SEMA3E: variants seen among roughly 807,000 people sequenced by gnomAD.
SEMA3E encodes semaphorin-3E.
A neutral mutation model predicts 93.6 loss-of-function variants in SEMA3E; 49 were observed. The ratio of observed to expected loss-of-function variants is 0.52; its 90% CI spans 0.42 to 0.66. The LOEUF (loss-of-function observed/expected upper bound fraction) is 0.66. Among genes scored for constraint, SEMA3E ranks in the 30% least tolerant of loss-of-function variants. SEMA3E has a pLI of 0.00. For synonymous variants in SEMA3E, 363 were observed against 330.7 expected (o/e 1.10, Z -1.06); for missense variants, 906 against 964.8 (o/e 0.94, Z 0.81).
chr7:83,376,130 G>C (rs1794819053), intron 16 of SEMA3E, among the ~76,000 whole-genome samples: 1 of 152,006 alleles, frequency 6.6e-6, no homozygotes, highest in African/African-American at 2.4e-5. Flanking sequence ...TGAGGCAAGA[G>C]TTCATGCACT....
chr7:83,501,314 A>AAC (rs1790592535), intron 1 of SEMA3E, among the ~76,000 whole-genome samples: 2 of 152,212 alleles, frequency 1.3e-5, no homozygotes, highest in Admixed American at 1.3e-4. Context: ...GTAATGTTAT[A>AAC]ATTACATATT....
chr7:83,595,857 A>G (rs1792862359), intron 1 of SEMA3E, among the ~76,000 whole-genome samples: 1 of 152,024 alleles, frequency 6.6e-6, no homozygotes, highest in African/African-American at 2.4e-5. Context: ...TCCACTGAAA[A>G]GGTTTTTTTC....
intron 1 of SEMA3E, among the ~76,000 whole-genome samples, chr7:83,574,609 C>T (rs1214628829): frequency 2.0e-5 from 3 of 152,082 alleles, no homozygotes; most frequent in Non-Finnish European, 4.4e-5. Flanking sequence ...GAGACAAAAG[C>T]AAACACTAGA....
chr7:83,560,351 CT>C (rs1665648497), intron 1 of SEMA3E, among the ~76,000 whole-genome samples: 1 of 151,982 alleles, frequency 6.6e-6, no homozygotes, highest in Non-Finnish European at 1.5e-5. Context: ...CCATATCTTC[CT>C]CTTAATTTTG....
At chr7:83,420,548 G>C (rs963668456) in intron 4 of SEMA3E, among the ~76,000 whole-genome samples, 1 of 152,090 alleles carries the variant, frequency 6.6e-6, no homozygotes, top group Non-Finnish European at 1.5e-5. Context: ...AAAACTGGAG[G>C]CATCACATTA....
At chr7:83,630,532 A>G (rs901224893) in intron 1 of SEMA3E, among the ~76,000 whole-genome samples, 6 of 152,168 alleles carry the variant, frequency 3.9e-5, no homozygotes, top group Non-Finnish European at 8.8e-5. Flanking sequence ...ATTTATGTAG[A>G]TTTATGGTAG....
chr7:83,571,418 T>C (rs1489627179), intron 1 of SEMA3E, among the ~76,000 whole-genome samples: 1 of 152,172 alleles, frequency 6.6e-6, no homozygotes, highest in African/African-American at 2.4e-5. Flanking sequence ...TTTGGTTAAA[T>C]GTACACAAAT....
intron 10 of SEMA3E, among the ~76,000 whole-genome samples, chr7:83,400,958 T>A (rs1788224108): frequency 6.6e-6 from 1 of 152,118 alleles, no homozygotes; most frequent in Admixed American, 6.6e-5. Context: ...TGATCAGTGA[T>A]GGTTCTGATT....
intron 1 of SEMA3E, among the ~76,000 whole-genome samples, chr7:83,501,221 C>A (rs1159478259): frequency 6.6e-6 from 1 of 152,156 alleles, no homozygotes; most frequent in East Asian, 1.9e-4. Context: ...TTCATTCGTT[C>A]AATCTGCACC....
intron 1 of SEMA3E, among the ~76,000 whole-genome samples, chr7:83,495,018 T>A (rs1790460049): frequency 6.6e-6 from 1 of 151,912 alleles, no homozygotes; most frequent in African/African-American, 2.4e-5. Context: ...ATGAAGCATG[T>A]TTCAATTCCA....
intron 14 of SEMA3E, among the ~76,000 whole-genome samples, chr7:83,391,767 A>G (rs963927197): frequency 6.6e-6 from 1 of 152,146 alleles, no homozygotes; most frequent in African/African-American, 2.4e-5. Flanking sequence ...CAGAAAAGTA[A>G]CCCAAAGTTA....
At chr7:83,386,588 T>C (rs1787886899) in intron 15 of SEMA3E, among the ~76,000 whole-genome samples, 1 of 152,142 alleles carries the variant, frequency 6.6e-6, no homozygotes, top group South Asian at 2.1e-4. Flanking sequence ...GCTTAGGAGA[T>C]GACTTGATAG....
At chr7:83,594,346 C>T (rs1033752293) in intron 1 of SEMA3E, among the ~76,000 whole-genome samples, 1 of 152,040 alleles carries the variant, frequency 6.6e-6, no homozygotes, top group African/African-American at 2.4e-5. Flanking sequence ...CCAGGATTTT[C>T]CAGGTGCAGG....
intron 2 of SEMA3E, among the ~76,000 whole-genome samples, chr7:83,483,885 T>C (rs1238340021): frequency 2.0e-5 from 3 of 152,118 alleles, no homozygotes; most frequent in African/African-American, 4.8e-5. Context: ...GACTAATCCA[T>C]CATGACGTAC....
At chr7:83,394,806 A>T (rs987075718) in intron 12 of SEMA3E, among the ~76,000 whole-genome samples, 52 of 152,198 alleles carry the variant, frequency 3.4e-4, no homozygotes, top group African/African-American at 1.3e-3. Context: ...GATCATGGTG[A>T]ATCATAATTA....
intron 1 of SEMA3E, among the ~76,000 whole-genome samples, chr7:83,556,606 C>T (rs1303946284): frequency 6.6e-6 from 1 of 152,134 alleles, no homozygotes; most frequent in Non-Finnish European, 1.5e-5. Context: ...GTACAAGTAG[C>T]AGGCATGCCA....
At chr7:83,622,362 A>T (rs1793579888) in intron 1 of SEMA3E, among the ~76,000 whole-genome samples, 1 of 152,190 alleles carries the variant, frequency 6.6e-6, no homozygotes, top group African/African-American at 2.4e-5. Flanking sequence ...AGAAAAACAA[A>T]TGCTTATACA....
At chr7:83,388,981 G>A (rs1231799910) in intron 14 of SEMA3E, among the ~76,000 whole-genome samples, 1 of 151,614 alleles carries the variant, frequency 6.6e-6, no homozygotes, top group Non-Finnish European at 1.5e-5. Context: ...TTGGGATTAT[G>A]ACCTGTGTAC....
chr7:83,473,865 G>A (rs1330303082), intron 2 of SEMA3E, among the ~76,000 whole-genome samples: 3 of 152,126 alleles, frequency 2.0e-5, no homozygotes, highest in East Asian at 1.9e-4. Flanking sequence ...AGGCCGAGGC[G>A]GGTGGACCAC....
Sources: gnomAD v4.1 joint callset for allele counts (sites outside exome capture counted in the v4.1 genomes callset) on GRCh38, gnomAD v4.1.1 for gene constraint, MANE v1.5 for transcripts, NCBI Gene and HGNC (gene_info 2026-07-23, HGNC 2026-07-21) for gene names.